NUBP2: variants seen among roughly 807,000 people sequenced by gnomAD.
The protein encoded by NUBP2 is cytosolic Fe-S cluster assembly factor NUBP2.
Under a neutral mutation model 24.9 loss-of-function variants are expected in NUBP2, and 23 were observed. The ratio of observed to expected loss-of-function variants is 0.92; its 90% CI spans 0.66 to 1.31. The LOEUF is 1.31. Among genes scored for constraint, NUBP2 ranks in the 50% most tolerant of loss-of-function variants. The pLI, the probability that NUBP2 is intolerant of heterozygous loss-of-function variation, is 0.00. For missense variants in NUBP2, 403 were observed against 386.5 expected (o/e 1.04, Z -0.36); for synonymous variants, 186 against 170.9 (o/e 1.09, Z -0.69).
intron 1 of NUBP2, 34 bp from the exon 2 acceptor site, chr16:1,786,503 G>A (rs757736587): frequency 1.4e-5 from 21 of 1,547,132 alleles, no homozygotes; most frequent in Non-Finnish European, 1.7e-5. Flanking sequence ...TGGGCACCAG[G>A]AGCCCTGACC....
At chr16:1,786,227 C>T (rs1271738918) in intron 1 of NUBP2, 10 of 401,904 alleles carry the variant, frequency 2.5e-5, no homozygotes, top group African/African-American at 4.0e-5. Context: ...TGTTTGCACA[C>T]GCGCACGAAG....
intron 1 of NUBP2, 50 bp downstream of exon 1, chr16:1,783,086 C>G (rs1286809381): frequency 8.1e-7 from 1 of 1,230,318 alleles, no homozygotes; most frequent in Non-Finnish European, 1.0e-6. Flanking sequence ...CGCTTGGGGC[C>G]CCGCCGCGTC....
Position 1,788,520 on chromosome 16 carries a change from G to A in NUBP2, c.671-49G>A, listed in dbSNP as rs771615053. 3.9e-6 allele frequency: 6 copies of A among 1,541,590 alleles called. No homozygotes were observed. The South Asian group carries it at 7.1e-5, about 18-fold the overall frequency. On this transcript the variant is annotated intron_variant, in intron 6 of 6. Transcript: ENST00000262302. The stretch of plus-strand genomic sequence containing the variant: ...GGTGCGTCCAGCTGAGCCAATGGTG[G>A]GAGTGGAAGGTGCGGACATGGCGCC...
chr16:1,788,587 C>G lies in NUBP2; in HGVS notation c.689C>G (p.Pro230Arg). 6.2e-7 allele frequency: 1 copy of G among 1,607,868 alleles called. No homozygotes were observed. The highest frequency in any genetic ancestry group is 2.2e-5 in the East Asian group (1 of 44,692). Residue 230 changes from proline to arginine, a missense_variant, in exon 7 of 7, where the codon CCT becomes CGT. Physicochemically the swap from Pro to Arg is moderately radical, Grantham distance 103. Transcript: ENST00000262302. The stretch of plus-strand genomic sequence containing the variant: ...CCTGCAGGCTCCGTGCCCCTGGACC[C>G]TGCGCTCATGAGGACCCTGGAGGAG... ...VPFLGSVPLD[P>R]ALMRTLEEGH... is the part of the protein sequence containing the mutation.
intron 6 of NUBP2, 103 bp downstream of exon 6, chr16:1,788,310 C>T (rs995747231): frequency 5.0e-6 from 6 of 1,210,082 alleles, no homozygotes; most frequent in East Asian, 2.7e-5. Flanking sequence ...GAGGAGGGGA[C>T]GGGAGCGGTT....
chr16:1,786,643 T>C lies in NUBP2; in HGVS notation c.123T>C (p.His41=). 2 of 1,612,782 alleles carry C rather than the reference T, an allele frequency of 1.2e-6. No individual in the cohort carries two copies. Among genetic ancestry groups the C allele is most frequent in the Non-Finnish European group, 1.7e-6 (2 of 1,179,904 alleles). Residue 41 remains histidine (H), a synonymous_variant, in exon 2 of 7, where the codon CAT becomes CAC. Transcript: ENST00000262302. ...ISTELALALR[H]AGKKVGILDV... is the part of the protein sequence containing the mutation. ...CGGAGCTGGCCCTGGCACTGCGCCA[T>C]GCAGGCAAGAAGGTGAGCGCCCTAC...
intron 3 of NUBP2, chr16:1,787,364 G>T (rs550829104): frequency 4.3e-6 from 2 of 469,312 alleles, no homozygotes; most frequent in Admixed American, 3.6e-5. Flanking sequence ...GGAGAATGTG[G>T]GTGCTCCCAT....
At chr16:1,784,264 A>G (rs1178653506) in intron 1 of NUBP2, among the ~76,000 whole-genome samples, 3 of 151,722 alleles carry the variant, frequency 2.0e-5, no homozygotes, top group African/African-American at 7.3e-5. Context: ...TACATTTTTA[A>G]TGTGTAGACA....
chr16:1,787,777 A>G lies in NUBP2; in HGVS notation c.435A>G (p.Ile145Met), dbSNP rs777894998. 36 of 1,612,378 alleles carry G rather than the reference A, an allele frequency of 2.2e-5. No individual in the cohort carries two copies. In the South Asian group the frequency reaches 3.5e-4, roughly 16 times the overall value. ...CCTCCGATGAGCACATGGCCACCAT[A>G]GAAGCCCTGCGTCCCTACCAGCCCC... Reference protein sequence around the residue: ...PGTSDEHMATIEALRPYQPLG... With the variant: ...PGTSDEHMATMEALRPYQPLG... The change falls in exon 4 of 7, where the codon ATA (isoleucine) becomes ATG (methionine). Residue 145 changes from isoleucine to methionine, a missense_variant. Transcript: ENST00000262302.
intron 1 of NUBP2, 86 bp from the exon 2 acceptor site, chr16:1,786,451 G>A (rs893878019): frequency 2.6e-6 from 3 of 1,157,250 alleles, no homozygotes; most frequent in Admixed American, 2.1e-5. Context: ...CTCAGAACGT[G>A]GGTGCAAGAG....
At chr16:1,788,547 C>T (rs763483308) in intron 6 of NUBP2, 22 bp from the exon 7 acceptor site, 2 of 1,584,858 alleles carry the variant, frequency 1.3e-6, no homozygotes, top group South Asian at 2.3e-5. Context: ...CATGGCGCCA[C>T]CGCCTCCACT....
chr16:1,785,963 G>T, intron 1 of NUBP2: 1 of 1,216,430 alleles, frequency 8.2e-7, no homozygotes, highest in Non-Finnish European at 1.0e-6. Flanking sequence ...GTGTGGCAGG[G>T]ACAGGATGGG....
rs769298189 is a variant in NUBP2, at chr16:1,788,655, G to T, written c.757G>T (p.Ala253Ser). 1 of 1,612,228 alleles carries T rather than the reference G, an allele frequency of 6.2e-7. No individual in the cohort carries two copies. Among genetic ancestry groups the T allele is most frequent in the Non-Finnish European group, 8.5e-7 (1 of 1,179,774 alleles). Residue 253 changes from alanine to serine, a missense_variant, in exon 7 of 7, where the codon GCT (alanine) becomes TCT (serine). By Grantham distance (99) the Ala-to-Ser change is moderately conservative. Coordinates refer to ENST00000262302, the MANE Select transcript of NUBP2 (RefSeq NM_012225.4). ...IQEFPGSPAF[A>S]ALTSIAQKIL... ...GGAGTTCCCTGGGAGCCCCGCCTTC[G>T]CTGCACTCACCTCCATAGCCCAGAA...
At chr16:1,785,499 G>A (rs889422904) in intron 1 of NUBP2, 64 of 1,192,312 alleles carry the variant, frequency 5.4e-5, no homozygotes, top group Admixed American at 1.4e-4. Flanking sequence ...CAGAGTCCCC[G>A]GCAGCTACAG....
At chr16:1,785,323 T>C (rs1896910607) in intron 1 of NUBP2, 2 of 1,084,674 alleles carry the variant, frequency 1.8e-6, no homozygotes, top group South Asian at 4.9e-5. Flanking sequence ...CTCAGGGTTG[T>C]TGTCCCGGTT....
intron 1 of NUBP2, chr16:1,784,025 T>G: frequency 1.0e-6 from 1 of 984,866 alleles, no homozygotes; most frequent in Non-Finnish European, 1.2e-6. Context: ...AGGAGAAGCC[T>G]GGAAAAGCCT....
chr16:1,786,230 G>A lies in NUBP2; in HGVS notation c.17-307G>A, dbSNP rs34310454. The stretch of plus-strand genomic sequence containing the variant: ...GACCCACGTGTGTGTTTGCACACGC[G>A]CACGAAGGAACGCATGCACCCTTCC... On this transcript the variant is annotated intron_variant, in intron 1 of 6. Coordinates refer to ENST00000262302, the MANE Select transcript of NUBP2 (RefSeq NM_012225.4). 3.7e-3 allele frequency: 1,517 copies of A among 412,210 alleles called. 27 individuals are homozygous for A. The highest frequency in any genetic ancestry group is 0.027 in the African/African-American group (1,365 of 49,930). The allele number at this position is 412,210 out of a possible 1,614,324, so 25.5% of individuals were successfully genotyped here.
chr16:1,785,835 C>A (rs1427495192), intron 1 of NUBP2: 1 of 1,289,078 alleles, frequency 7.8e-7, no homozygotes, highest in African/African-American at 1.5e-5. Context: ...CATGCACCCT[C>A]CAAGGACCTG....
At chr16:1,784,103 T>C in intron 1 of NUBP2, 1 of 928,914 alleles carries the variant, frequency 1.1e-6, no homozygotes, top group Non-Finnish European at 1.3e-6. Context: ...AGCTTTTTTT[T>C]TTTTTTGAGA....
Sources: allele counts gnomAD v4.1 joint callset (sites outside exome capture counted in the v4.1 genomes callset), GRCh38; gene constraint gnomAD v4.1.1; transcripts MANE v1.5; gene names NCBI Gene and HGNC (gene_info 2026-07-23, HGNC 2026-07-21).